MYH10: variants seen among roughly 807,000 people sequenced by gnomAD.
MYH10 encodes the protein myosin-10.
MYH10 carries 55 observed loss-of-function variants against 257.8 expected under a neutral mutation model. The observed-to-expected ratio is 0.21, with a 90% CI of 0.17 to 0.27. The LOEUF is 0.27. Among genes scored for constraint, MYH10 ranks in the 10% least tolerant of loss-of-function variants. The pLI is 1.00. For missense variants in MYH10, 1,631 were observed against 2,500.6 expected (o/e 0.65, Z 7.42); for synonymous variants, 854 against 921.7 (o/e 0.93, Z 1.33).
At chr17:8,542,707 G>A (rs569281266) in intron 13 of MYH10, among the ~76,000 whole-genome samples, 3 of 152,280 alleles carry the variant, frequency 2.0e-5, no homozygotes, top group East Asian at 1.9e-4. Flanking sequence ...TGGTGGGCGC[G>A]CTTCTGAAGC....
intron 3 of MYH10, among the ~76,000 whole-genome samples, chr17:8,590,253 C>CTATT (rs1450676360): frequency 6.6e-6 from 1 of 152,140 alleles, no homozygotes; most frequent in African/African-American, 2.4e-5. Context: ...TTCATATACT[C>CTATT]TATGTATAAA....
rs147657449 is a variant in MYH10 at position 8,547,192 on chromosome 17, T to C, written c.1160-530A>G. ...AGCCTCCCGAGTAGCTGGGACTACA[T>C]GGCCACTATGCCCAGCCTCCTTACC... On this transcript the variant is annotated intron_variant, in intron 11 of 42. Transcript: ENST00000360416. 2.0e-3 allele frequency among the ~76,000 whole-genome samples: 299 copies of C among 152,300 alleles called. 3 individuals carry two copies. Among genetic ancestry groups the C allele is most frequent in the African/African-American group, 6.8e-3 (281 of 41,560 alleles).
intron 3 of MYH10, among the ~76,000 whole-genome samples, chr17:8,597,001 G>A (rs973627268): frequency 1.3e-5 from 2 of 152,094 alleles, no homozygotes; most frequent in Non-Finnish European, 2.9e-5. Context: ...GCTTTGGGAG[G>A]TGCGTCGTCA....
intron 14 of MYH10, among the ~76,000 whole-genome samples, chr17:8,538,773 G>A (rs2082214171): frequency 6.6e-6 from 1 of 152,176 alleles, no homozygotes; most frequent in Non-Finnish European, 1.5e-5. Flanking sequence ...CAGTGTCTGG[G>A]CATAACTGGT....
chr17:8,568,198 G>C (rs1258195117), intron 7 of MYH10, among the ~76,000 whole-genome samples: 1 of 152,130 alleles, frequency 6.6e-6, no homozygotes, highest in Non-Finnish European at 1.5e-5. Context: ...GCCGAACTTG[G>C]GTTCAGTTAT....
chr17:8,495,349 C>T, intron 30 of MYH10, 108 bp from the exon 31 acceptor site: 1 of 671,968 alleles, frequency 1.5e-6, no homozygotes, highest in Non-Finnish European at 2.6e-6. Flanking sequence ...GGAGTGTGAA[C>T]CTGAAACTAC....
Position 8,499,816 on chromosome 17 carries a change from CACTT to C in MYH10, c.3745-344_3745-341del, listed in dbSNP as rs915195198. On this transcript the variant is annotated intron_variant, in intron 29 of 42. Transcript: ENST00000360416. ...GTTGTTAGTGTAAAGAATTGTTTTA[CACTT>C]ACTAACATGAGCAGGCACCCTTGGT... 3.9e-4 allele frequency among the ~76,000 whole-genome samples: 60 copies of C among 152,200 alleles called. 1 individual carries two copies. Among genetic ancestry groups the C allele is most frequent in the African/African-American group, 1.4e-3 (58 of 41,450 alleles).
chr17:8,483,040 G>C (rs1914120264), intron 37 of MYH10, among the ~76,000 whole-genome samples: 1 of 152,148 alleles, frequency 6.6e-6, no homozygotes, highest in Admixed American at 6.5e-5. Context: ...ACCACAATGT[G>C]ATAAAACTAG....
At chr17:8,623,936 T>C (rs556221925) in intron 1 of MYH10, among the ~76,000 whole-genome samples, 18 of 152,242 alleles carry the variant, frequency 1.2e-4, no homozygotes, top group Middle Eastern at 3.4e-3. Context: ...CAGGCCTCTA[T>C]TCCCATCCTG....
At chr17:8,489,171 G>A (rs1047487163) in intron 35 of MYH10, among the ~76,000 whole-genome samples, 4 of 152,096 alleles carry the variant, frequency 2.6e-5, no homozygotes, top group Non-Finnish European at 5.9e-5. Flanking sequence ...ATGTGTGTGA[G>A]TCAGTTTGGC....
At position 8,504,625 on chromosome 17, in the gene MYH10, G is replaced by A; in HGVS notation, c.3599+69C>T. On this transcript the variant is annotated intron_variant, in intron 28 of 42. Transcript: ENST00000360416. This position sits in a 1 kb window ranked among gnomAD's most constrained non-coding sequence, Gnocchi z 5.6. The stretch of plus-strand genomic sequence containing the variant: ...CCTCCCAAAGATAGCAAGCACACCA[G>A]GCATTTCTGCACGGGCTCGGTGGAG... The A allele has an allele frequency of 7.3e-7, 1 of 1,364,744 alleles. No homozygotes were observed. Among genetic ancestry groups the A allele is most frequent in the African/African-American group, 1.4e-5 (1 of 69,240 alleles). 84.5% of individuals were successfully genotyped at this position (1,364,744 alleles called of 1,614,324 possible).
chr17:8,480,021 G>T (rs1323386104), intron 40 of MYH10, 89 bp downstream of exon 40: 18 of 1,305,082 alleles, frequency 1.4e-5, no homozygotes, highest in Non-Finnish European at 1.8e-5. Flanking sequence ...CCCACGTGGT[G>T]GGGAGCCCCC....
At chr17:8,610,957 G>A (rs1364244969) in intron 2 of MYH10, among the ~76,000 whole-genome samples, 2 of 152,186 alleles carry the variant, frequency 1.3e-5, no homozygotes, top group Non-Finnish European at 2.9e-5. Context: ...AGGAAAATAA[G>A]AAAAGTAACT....
Position 8,548,295 on chromosome 17 carries a change from C to A in MYH10, c.1159+18G>T. 1.3e-6 allele frequency: 2 copies of A among 1,561,612 alleles called. No homozygotes were observed. Among genetic ancestry groups the A allele is most frequent in the South Asian group, 2.3e-5 (2 of 88,140 alleles). ...CAAGCCATCGAAACAGAAATAAAGT[C>A]AGTATTCATCAGTTTACCTGTATTT... On this transcript the variant is annotated intron_variant, in intron 11 of 42. Coordinates refer to ENST00000360416, the MANE Select transcript of MYH10 (RefSeq NM_001256012.3).
intron 24 of MYH10, among the ~76,000 whole-genome samples, chr17:8,510,747 A>T (rs78185634): frequency 0.52 from 78,112 of 151,324 alleles, 21,223 homozygotes; most frequent in Middle Eastern, 0.63. Context: ...AGAGAGAAAG[A>T]GAACATGAAA....
intron 28 of MYH10, among the ~76,000 whole-genome samples, chr17:8,503,835 G>T (rs867154506): frequency 6.6e-6 from 1 of 152,216 alleles, no homozygotes; most frequent in African/African-American, 2.4e-5. Context: ...GCCAGCAGGT[G>T]TGCCTGCAGC....
intron 29 of MYH10, among the ~76,000 whole-genome samples, chr17:8,500,283 G>A (rs1245704217): frequency 1.3e-5 from 2 of 152,194 alleles, no homozygotes; most frequent in African/African-American, 4.8e-5. Context: ...GCACAGGAGG[G>A]TGGCGTGAGT....
chr17:8,492,572 A>G, intron 33 of MYH10, 63 bp from the exon 34 acceptor site: 2 of 1,501,516 alleles, frequency 1.3e-6, no homozygotes, highest in South Asian at 1.2e-5. Flanking sequence ...TTTCTCTTCC[A>G]CCATGTGGCT....
At chr17:8,548,547 C>A in intron 10 of MYH10, 97 bp downstream of exon 10, 1 of 1,478,628 alleles carries the variant, frequency 6.8e-7, no homozygotes, top group South Asian at 1.3e-5. Context: ...TCATACAATT[C>A]ATTAGTTTCC....
Sources: allele counts gnomAD v4.1 joint callset (sites outside exome capture counted in the v4.1 genomes callset), GRCh38; gene constraint gnomAD v4.1.1; non-coding constraint Gnocchi (gnomAD v3.1); transcripts MANE v1.5; gene names NCBI Gene and HGNC (gene_info 2026-07-23, HGNC 2026-07-21).